B3GALT1: variants seen among roughly 807,000 people sequenced by gnomAD.
B3GALT1 encodes beta-1,3-galactosyltransferase 1, also known as UDP-Gal:betaGlcNAc beta 1,3-galactosyltransferase, polypeptide 1.
B3GALT1 carries 10 observed loss-of-function variants against 23.2 expected under a neutral mutation model. The observed-to-expected ratio is 0.43, with a 90% CI of 0.27 to 0.73. The LOEUF (loss-of-function observed/expected upper bound fraction) is 0.73. Among genes scored for constraint, B3GALT1 ranks in the 30% least tolerant of loss-of-function variants. The probability of loss-of-function intolerance (pLI) is 0.21; values close to 1 mark genes in which losing one functional copy is unlikely to be tolerated. For missense variants in B3GALT1, 299 were observed against 405.4 expected (o/e 0.74, Z 2.25); for synonymous variants, 156 against 141.5 (o/e 1.10, Z -0.73).
intron 4 of B3GALT1, among the ~76,000 whole-genome samples, chr2:167,857,653 G>A (rs1690022770): frequency 6.6e-6 from 1 of 151,940 alleles, no homozygotes; most frequent in Non-Finnish European, 1.5e-5. Flanking sequence ...CTGAGCATGG[G>A]AACAAAACAA....
intron 4 of B3GALT1, among the ~76,000 whole-genome samples, chr2:167,853,639 T>C (rs1689946161): frequency 1.3e-5 from 2 of 152,082 alleles, no homozygotes; most frequent in African/African-American, 4.8e-5. Flanking sequence ...AGCATAGTGG[T>C]TTTCAGTACC....
intron 1 of B3GALT1, among the ~76,000 whole-genome samples, chr2:167,317,648 A>G (rs966076321): frequency 2.0e-5 from 3 of 152,158 alleles, no homozygotes; most frequent in African/African-American, 7.2e-5. Context: ...TACAAAATCA[A>G]AAGTCAGATA....
chr2:167,356,157 C>T (rs560390613), intron 1 of B3GALT1, among the ~76,000 whole-genome samples: 28 of 152,312 alleles, frequency 1.8e-4, no homozygotes, highest in African/African-American at 6.0e-4. Flanking sequence ...GCAGGAACTG[C>T]TCTTGATTAG....
chr2:167,576,331 A>G (rs1360479763), intron 2 of B3GALT1, among the ~76,000 whole-genome samples: 1 of 151,748 alleles, frequency 6.6e-6, no homozygotes, highest in Non-Finnish European at 1.5e-5. Context: ...AATATTGTAT[A>G]TAGAGAAATG....
chr2:167,576,943 A>G (rs1473517492), intron 2 of B3GALT1, among the ~76,000 whole-genome samples: 3 of 151,702 alleles, frequency 2.0e-5, no homozygotes, highest in Non-Finnish European at 4.4e-5. Context: ...AACAAAAGAG[A>G]AATCCTATCC....
At chr2:167,651,738 T>A (rs941582530) in intron 3 of B3GALT1, among the ~76,000 whole-genome samples, 1 of 152,190 alleles carries the variant, frequency 6.6e-6, no homozygotes, top group Non-Finnish European at 1.5e-5. Context: ...TACCACGTGC[T>A]GAGTTCAATA....
Position 167,753,300 on chromosome 2 carries a change from G to A in B3GALT1, c.-351-65372G>A, listed in dbSNP as rs144571496. Among the ~76,000 whole-genome samples the A allele has an allele frequency of 8.6e-3, 1,304 of 152,318 alleles. 8 individuals are homozygous for A. Among genetic ancestry groups the A allele is most frequent in the Non-Finnish European group, 0.013 (877 of 68,024 alleles). On this transcript the variant is annotated intron_variant, in intron 3 of 4. Coordinates refer to ENST00000392690, the MANE Select transcript of B3GALT1 (RefSeq NM_020981.4). The stretch of plus-strand genomic sequence containing the variant: ...CCATGCCCCTTAGCGGAAACTGTGA[G>A]CAAGAGACAGGCCCGTCAATCTGCG...
chr2:167,701,108 T>C (rs556891512), intron 3 of B3GALT1, among the ~76,000 whole-genome samples: 32 of 152,202 alleles, frequency 2.1e-4, no homozygotes, highest in African/African-American at 7.0e-4. Flanking sequence ...AAAAAACAAA[T>C]TAACAAAAAA....
intron 4 of B3GALT1, among the ~76,000 whole-genome samples, chr2:167,846,566 C>G (rs1042768775): frequency 6.6e-6 from 1 of 152,174 alleles, no homozygotes; most frequent in African/African-American, 2.4e-5. Context: ...TTCACCACTA[C>G]CAAGCCACCA....
At chr2:167,715,018 C>T in intron 3 of B3GALT1, 3 of 1,611,606 alleles carry the variant, frequency 1.9e-6, no homozygotes, top group East Asian at 4.5e-5. Context: ...GCTCGGTAAG[C>T]TCTTCCTTTG....
intron 1 of B3GALT1, among the ~76,000 whole-genome samples, chr2:167,472,231 A>C (rs1699427312): frequency 6.6e-6 from 1 of 152,174 alleles, no homozygotes; most frequent in Non-Finnish European, 1.5e-5. Context: ...TGGGACTTGA[A>C]GTCAATATTC....
intron 1 of B3GALT1, among the ~76,000 whole-genome samples, chr2:167,446,699 G>A (rs1182157595): frequency 6.6e-6 from 1 of 152,150 alleles, no homozygotes; most frequent in Non-Finnish European, 1.5e-5. Context: ...TCGTTCCATG[G>A]TTTTCAGGTC....
intron 1 of B3GALT1, among the ~76,000 whole-genome samples, chr2:167,471,506 T>C (rs1197547747): frequency 6.6e-6 from 1 of 152,176 alleles, no homozygotes; most frequent in African/African-American, 2.4e-5. Flanking sequence ...CAGAAACTAA[T>C]GAGCTTTGGG....
intron 1 of B3GALT1, among the ~76,000 whole-genome samples, chr2:167,457,709 C>T (rs6747599): frequency 0.19 from 29,490 of 152,010 alleles, 5,008 homozygotes; most frequent in African/African-American, 0.47. Flanking sequence ...CTCATCTTGA[C>T]TGAATCACTG....
intron 2 of B3GALT1, among the ~76,000 whole-genome samples, chr2:167,538,447 G>C (rs1376372938): frequency 6.6e-6 from 1 of 152,186 alleles, no homozygotes; most frequent in Admixed American, 6.5e-5. Flanking sequence ...TAGGGTGGTT[G>C]AGGATATAAA....
chr2:167,553,766 C>G (rs1683791726), intron 2 of B3GALT1, among the ~76,000 whole-genome samples: 1 of 152,162 alleles, frequency 6.6e-6, no homozygotes, highest in Non-Finnish European at 1.5e-5. Flanking sequence ...TTTGGAACTA[C>G]AGCTATGGAT....
intron 3 of B3GALT1, among the ~76,000 whole-genome samples, chr2:167,663,005 A>T (rs1427057217): frequency 6.6e-6 from 1 of 151,784 alleles, no homozygotes; most frequent in East Asian, 1.9e-4. Flanking sequence ...CATGTGCACA[A>T]TGTGCAGGTT....
At chr2:167,407,611 G>A (rs1018591239) in intron 1 of B3GALT1, among the ~76,000 whole-genome samples, 1 of 151,500 alleles carries the variant, frequency 6.6e-6, no homozygotes, top group Non-Finnish European at 1.5e-5. Flanking sequence ...GGACAAAAGA[G>A]AGAAGACCCA....
At chr2:167,320,884 T>A (rs1419405175) in intron 1 of B3GALT1, among the ~76,000 whole-genome samples, 1 of 151,942 alleles carries the variant, frequency 6.6e-6, no homozygotes, top group Non-Finnish European at 1.5e-5. Flanking sequence ...TTTCTAAGTT[T>A]AAACCTATTA....
Sources: gnomAD v4.1 joint callset for allele counts (sites outside exome capture counted in the v4.1 genomes callset) on GRCh38, gnomAD v4.1.1 for gene constraint, MANE v1.5 for transcripts, NCBI Gene and HGNC (gene_info 2026-07-23, HGNC 2026-07-21) for gene names.